The following DOCK4 variants were observed in gnomAD, a reference collection of about 807,000 sequenced individuals.
The protein encoded by DOCK4 is dedicator of cytokinesis protein 4.
A neutral mutation model predicts 268.1 loss-of-function variants in DOCK4; 97 were observed. The observed-to-expected ratio is 0.36, with a 90% confidence interval of 0.31 to 0.43. The LOEUF (loss-of-function observed/expected upper bound fraction) is 0.43. DOCK4 is among the 20% of genes least tolerant of loss of function. The pLI is 1.00. For synonymous variants in DOCK4, 954 were observed against 887.2 expected (o/e 1.08, Z -1.34); for missense variants, 2,145 against 2,455.7 (o/e 0.87, Z 2.67).
chr7:111,936,531 CGGAT>C (rs1052443672), intron 11 of DOCK4, among the ~76,000 whole-genome samples: 12 of 137,142 alleles, frequency 8.8e-5, no homozygotes, highest in Non-Finnish European at 1.4e-4. Flanking sequence ...GATGGATGGA[CGGAT>C]GGATGGATGT....
chr7:112,135,695 G>GA (rs932338580), intron 1 of DOCK4, among the ~76,000 whole-genome samples: 36 of 125,906 alleles, frequency 2.9e-4, no homozygotes, highest in South Asian at 2.5e-4. Flanking sequence ...AAACTTTGAA[G>GA]AAAAAAAAAA....
intron 1 of DOCK4, among the ~76,000 whole-genome samples, chr7:112,170,175 C>T (rs1301536108): frequency 1.3e-5 from 2 of 151,932 alleles, no homozygotes; most frequent in African/African-American, 2.4e-5. Context: ...CATATGTGGT[C>T]GGGCACAGTG....
At chr7:111,731,044 G>A (rs761004458) in intron 52 of DOCK4, among the ~76,000 whole-genome samples, 3 of 152,146 alleles carry the variant, frequency 2.0e-5, no homozygotes, top group Non-Finnish European at 4.4e-5. Flanking sequence ...GTAAAAGTGC[G>A]GAAAAGCCAT....
At chr7:112,134,827 A>G (rs1372954648) in intron 1 of DOCK4, among the ~76,000 whole-genome samples, 3 of 152,232 alleles carry the variant, frequency 2.0e-5, no homozygotes, top group Admixed American at 6.5e-5. Flanking sequence ...AAGTGCCACA[A>G]TGCATTATCC....
intron 49 of DOCK4, 145 bp from the exon 50 acceptor site, chr7:111,737,134 AATTAT>A (rs1265343829): frequency 1.6e-6 from 1 of 642,818 alleles, no homozygotes; most frequent in Non-Finnish European, 2.6e-6. Flanking sequence ...CAAATAATTT[AATTAT>A]ATTTAAGTAA....
chr7:112,038,606 C>T (rs1345093236), intron 1 of DOCK4, among the ~76,000 whole-genome samples: 1 of 152,180 alleles, frequency 6.6e-6, no homozygotes, highest in Non-Finnish European at 1.5e-5. Context: ...GCTTCAACTG[C>T]ACCCAGGACA....
intron 1 of DOCK4, among the ~76,000 whole-genome samples, chr7:112,011,438 A>T (rs1801292279): frequency 1.3e-5 from 2 of 152,140 alleles, no homozygotes. Context: ...AAATAACATG[A>T]TTGCATTACT....
chr7:111,981,512 G>A (rs543945786), intron 7 of DOCK4, among the ~76,000 whole-genome samples: 65 of 152,174 alleles, frequency 4.3e-4, no homozygotes, highest in African/African-American at 1.5e-3. Flanking sequence ...CATGTACCCC[G>A]GAACTTAAAA....
intron 50 of DOCK4, among the ~76,000 whole-genome samples, chr7:111,735,891 T>G (rs890678671): frequency 6.6e-6 from 1 of 152,116 alleles, no homozygotes. Flanking sequence ...TGTTGAGAAT[T>G]TCAACATTTT....
At chr7:111,924,392 C>T (rs1793423641) in intron 12 of DOCK4, among the ~76,000 whole-genome samples, 2 of 152,156 alleles carry the variant, frequency 1.3e-5, no homozygotes, top group South Asian at 4.1e-4. Flanking sequence ...GTAGCCTACC[C>T]TCTCCTGGTG....
At position 111,872,496 on chromosome 7, in the gene DOCK4, T is replaced by G; in HGVS notation, c.1813A>C (p.Lys605Gln). 1 of 1,602,046 alleles carries G rather than the reference T, an allele frequency of 6.2e-7. No homozygotes were observed. Among genetic ancestry groups the G allele is most frequent in the East Asian group, 2.2e-5 (1 of 44,744 alleles). Residue 605 changes from lysine (K) to glutamine (Q), a missense_variant, in exon 18 of 53, where the codon AAA becomes CAA. Lys to Gln is a moderately conservative substitution (Grantham distance 53). Transcript: ENST00000428084. ...DKITGCLSKL[K>Q]EIDGSEIVKF... Reference sequence around the variant, plus strand: ...ACTATCTCTGAGCCATCAATTTCTTTTAATTTAGAGAGACAGCCAGTGATC... The same window carrying G: ...ACTATCTCTGAGCCATCAATTTCTTGTAATTTAGAGAGACAGCCAGTGATC...
intron 16 of DOCK4, among the ~76,000 whole-genome samples, chr7:111,886,604 A>C (rs1807865956): frequency 6.6e-6 from 1 of 151,898 alleles, no homozygotes; most frequent in Non-Finnish European, 1.5e-5. Context: ...CAAGCAGGCA[A>C]GGGAGGAAAA....
intron 1 of DOCK4, among the ~76,000 whole-genome samples, chr7:112,095,347 A>G (rs781118389): frequency 1.3e-5 from 2 of 152,214 alleles, no homozygotes; most frequent in South Asian, 2.1e-4. Context: ...TTTAATTGCT[A>G]TAAGAAATAT....
chr7:112,206,176 C>T lies in DOCK4; in HGVS notation c.-38G>A, dbSNP rs1821392160. ...TCCGGGGTCTTCAGGCTTTGTAATC[C>T]CCGCGCCCCTTCTCCGGCTCACAAC... On this transcript the variant is annotated 5_prime_UTR_variant, in exon 1 of 53. Coordinates refer to ENST00000428084, the MANE Select transcript of DOCK4 (RefSeq NM_001363540.2). 3.9e-6 allele frequency: 6 copies of T among 1,557,044 alleles called. No homozygotes were observed. The highest frequency in any genetic ancestry group is 5.2e-6 in the Non-Finnish European group (6 of 1,149,160).
chr7:112,152,295 G>A (rs1816167830), intron 1 of DOCK4, among the ~76,000 whole-genome samples: 1 of 152,108 alleles, frequency 6.6e-6, no homozygotes, highest in African/African-American at 2.4e-5. Flanking sequence ...CAGCACAGCT[G>A]GCTGCTAAGG....
Position 111,934,512 on chromosome 7 carries a change from G to GT in DOCK4, c.1066+1027dup, listed in dbSNP as rs1196694194. ...AGCCATAGGCAGCGAAGCATGTTTT[G>GT]TTTTGTTTTTGTTTTTTTTTTTTTT... On this transcript the variant is annotated intron_variant, in intron 12 of 52. Transcript: ENST00000428084. Among the ~76,000 whole-genome samples, 3 of 100,720 alleles carry GT rather than the reference G, an allele frequency of 3.0e-5. No individual in the cohort carries two copies. The South Asian group carries it at 9.9e-4, about 33-fold the overall frequency. 66.1% of individuals were successfully genotyped at this position (100,720 alleles called of 152,430 possible).
chr7:111,848,844 C>A (rs1229012222), intron 23 of DOCK4, among the ~76,000 whole-genome samples: 1 of 152,212 alleles, frequency 6.6e-6, no homozygotes, highest in Non-Finnish European at 1.5e-5. Flanking sequence ...CTACAACCCT[C>A]CCCTTCCACC....
intron 1 of DOCK4, among the ~76,000 whole-genome samples, chr7:112,028,567 T>G (rs876170): frequency 0.55 from 82,791 of 151,638 alleles, 24,578 homozygotes; most frequent in African/African-American, 0.8. Context: ...AAAACAATCT[T>G]TCTAGTCTCT....
intron 23 of DOCK4, among the ~76,000 whole-genome samples, chr7:111,852,264 G>A (rs1420228024): frequency 2.6e-5 from 4 of 151,984 alleles, no homozygotes; most frequent in Non-Finnish European, 4.4e-5. Context: ...ATACTCAGCC[G>A]GAGTCTCCTA....
Sources: gnomAD v4.1 joint callset for allele counts (sites outside exome capture counted in the v4.1 genomes callset) on GRCh38, gnomAD v4.1.1 for gene constraint, MANE v1.5 for transcripts, NCBI Gene and HGNC (gene_info 2026-07-23, HGNC 2026-07-21) for gene names.